PCYT1B: variants seen among roughly 807,000 people sequenced by gnomAD.
The protein encoded by PCYT1B is choline-phosphate cytidylyltransferase B.
PCYT1B carries 10 observed loss-of-function variants against 26.4 expected under a neutral mutation model. The ratio of observed to expected loss-of-function variants is 0.38; its 90% CI spans 0.23 to 0.64. The LOEUF (loss-of-function observed/expected upper bound fraction) is 0.64, where lower values mean the gene tolerates loss of function less well. PCYT1B is among the 30% of genes least tolerant of loss of function. PCYT1B has a pLI of 0.56. For synonymous variants in PCYT1B, 131 were observed against 108.4 expected (o/e 1.21, Z -1.29); for missense variants, 161 against 292.7 (o/e 0.55, Z 3.28).
intron 2 of PCYT1B, 26 bp from the exon 3 acceptor site, chrX:24,607,887 A>G (rs1925186875): frequency 1.2e-6 from 1 of 852,000 alleles, no homozygotes; most frequent in Non-Finnish European, 1.7e-6. Context: ...AACACTGTTA[A>G]CAGAACTGCA....
At chrX:24,670,765 G>A (rs143104431) in intron 1 of PCYT1B, among the ~76,000 whole-genome samples, 31 of 110,959 alleles carry the variant, frequency 2.8e-4, no homozygotes, top group African/African-American at 8.8e-4. Context: ...TACTTAGCCC[G>A]GGACATGTCA....
At chrX:24,621,838 G>A (rs925230677) in intron 1 of PCYT1B, 1 of 730,583 alleles carries the variant, frequency 1.4e-6, no homozygotes, top group Non-Finnish European at 1.6e-6. Flanking sequence ...GAGGAGATAA[G>A]GTGTTGCCAT....
At position 24,561,145 on chromosome X, in the gene PCYT1B, G is replaced by C. The variant is rs749088788; in HGVS notation, c.*1148C>G. On this transcript the variant is annotated 3_prime_UTR_variant, in exon 8 of 8. Transcript: ENST00000379144. ...GATAAAACGTTTCCACAGGAATCTG[G>C]AATAAGCTTGACAAAGTGCCCAAGT... is the stretch of plus-strand genomic sequence containing the variant. 1 of 112,471 alleles carries C rather than the reference G, an allele frequency of 8.9e-6. No individual in the cohort carries two copies. Among genetic ancestry groups the C allele is most frequent in the Non-Finnish European group, 1.9e-5 (1 of 53,279 alleles). 9.3% of individuals were successfully genotyped at this position (112,471 alleles called of 1,213,427 possible).
At chrX:24,654,329 G>A (rs867748230) in intron 1 of PCYT1B, among the ~76,000 whole-genome samples, 134 of 102,234 alleles carry the variant, frequency 1.3e-3, no homozygotes, top group African/African-American at 4.2e-3. Context: ...GGCTGGTCTC[G>A]AACTCCTGAC....
At chrX:24,606,992 C>G (rs1456375958) in intron 3 of PCYT1B, among the ~76,000 whole-genome samples, 1 of 112,193 alleles carries the variant, frequency 8.9e-6, no homozygotes, top group East Asian at 2.8e-4. Context: ...TTGATGGTGC[C>G]TAGTTTATAT....
intron 2 of PCYT1B, among the ~76,000 whole-genome samples, chrX:24,617,058 C>T (rs749350158): frequency 8.9e-6 from 1 of 112,070 alleles, no homozygotes; most frequent in East Asian, 2.8e-4. Context: ...CCCAGTTGGA[C>T]TGAATCAGAA....
intron 1 of PCYT1B, among the ~76,000 whole-genome samples, chrX:24,654,092 CTTTCTTTCTTTT>C (rs1463033742): frequency 1.8e-4 from 13 of 73,369 alleles, no homozygotes; most frequent in African/African-American, 6.5e-4. Context: ...TCTTTTCTTT[CTTTCTTTCTTTT>C]TTTTTTTTTT....
chrX:24,572,691 GA>G (rs750343931), intron 7 of PCYT1B, among the ~76,000 whole-genome samples: 30 of 110,659 alleles, frequency 2.7e-4, no homozygotes, highest in African/African-American at 9.5e-4. Flanking sequence ...AACGTCAACA[GA>G]AAAAAAGTAA....
intron 1 of PCYT1B, among the ~76,000 whole-genome samples, chrX:24,670,096 GAAA>G (rs1569261842): frequency 0.017 from 1,541 of 89,451 alleles, 23 homozygotes; most frequent in East Asian, 0.047. Flanking sequence ...AAGAAAGAAA[GAAA>G]GAAAGAAAGA....
intron 1 of PCYT1B, among the ~76,000 whole-genome samples, chrX:24,669,127 A>T (rs1236081097): frequency 8.9e-6 from 1 of 111,971 alleles, no homozygotes; most frequent in African/African-American, 3.2e-5. Context: ...TCTAAAAGAG[A>T]TATTATGGTT....
chrX:24,653,125 A>G (rs192894781), intron 1 of PCYT1B, among the ~76,000 whole-genome samples: 1 of 112,100 alleles, frequency 8.9e-6, no homozygotes, highest in Non-Finnish European at 1.9e-5. Context: ...ATCTGCAAAG[A>G]AGAACTACTA....
intron 1 of PCYT1B, among the ~76,000 whole-genome samples, chrX:24,623,151 G>C (rs1427256816): frequency 9.1e-6 from 1 of 110,235 alleles, no homozygotes; most frequent in Non-Finnish European, 1.9e-5. Context: ...AAGAATGACC[G>C]TTTTAGAATG....
intron 7 of PCYT1B, among the ~76,000 whole-genome samples, chrX:24,572,311 G>C (rs1248097308): frequency 9.1e-6 from 1 of 110,030 alleles, no homozygotes; most frequent in Non-Finnish European, 1.9e-5. Flanking sequence ...GGGGGATTTA[G>C]GCTTTAGCAC....
In PCYT1B at chrX:24,560,045, G is replaced by A. The variant is rs746087170; in HGVS notation, c.*2248C>T. The A allele has an allele frequency of 8.9e-6, 1 of 111,950 alleles. No homozygotes were observed. The highest frequency in any genetic ancestry group is 1.9e-5 in the Non-Finnish European group (1 of 53,187). The allele number at this position is 111,950 out of a possible 1,213,427, so 9.2% of individuals were successfully genotyped here. ...CTGATGAGTCACGTAAGTGGCACCT[G>A]TCAGTATGGCGTGTAAGGCCTGCAA... is the stretch of plus-strand genomic sequence containing the variant. On this transcript the variant is annotated 3_prime_UTR_variant, in exon 8 of 8. Coordinates refer to ENST00000379144, the MANE Select transcript of PCYT1B (RefSeq NM_004845.5).
chrX:24,630,653 C>T (rs1200108652), intron 1 of PCYT1B, among the ~76,000 whole-genome samples: 2 of 112,201 alleles, frequency 1.8e-5, no homozygotes, highest in Non-Finnish European at 3.8e-5. Flanking sequence ...ATGCATATCA[C>T]AGTCCTCTAT....
intron 1 of PCYT1B, among the ~76,000 whole-genome samples, chrX:24,635,085 C>A (rs1297253533): frequency 8.9e-6 from 1 of 112,124 alleles, no homozygotes; most frequent in Non-Finnish European, 1.9e-5. Context: ...TGAAGATAAA[C>A]CTCTATGATT....
At chrX:24,566,803 AG>A (rs781698248) in intron 7 of PCYT1B, among the ~76,000 whole-genome samples, 1 of 111,739 alleles carries the variant, frequency 8.9e-6, no homozygotes, top group East Asian at 2.8e-4. Context: ...TTCCTCTAGC[AG>A]ATATAATAAC....
intron 7 of PCYT1B, among the ~76,000 whole-genome samples, chrX:24,574,373 C>A (rs766153056): frequency 9.0e-6 from 1 of 111,475 alleles, no homozygotes; most frequent in Non-Finnish European, 1.9e-5. Context: ...AATAGAAATA[C>A]CAATAAAGTA....
At chrX:24,602,835 G>T (rs189318709) in intron 3 of PCYT1B, among the ~76,000 whole-genome samples, 58 of 110,399 alleles carry the variant, frequency 5.3e-4, no homozygotes, top group African/African-American at 1.8e-3. Context: ...ATGGCGTCTC[G>T]CTCTGTCACT....
Sources: gnomAD v4.1 joint callset for allele counts (sites outside exome capture counted in the v4.1 genomes callset) on GRCh38, gnomAD v4.1.1 for gene constraint, MANE v1.5 for transcripts, NCBI Gene and HGNC (gene_info 2026-07-23, HGNC 2026-07-21) for gene names.